TACC2: variants seen among roughly 807,000 people sequenced by gnomAD.
The protein encoded by TACC2 is transforming acidic coiled-coil-containing protein 2.
A neutral mutation model predicts 227.3 loss-of-function variants in TACC2; 137 were observed. That is an observed-to-expected ratio of 0.60 (90% CI 0.52 to 0.69). The LOEUF is 0.69. TACC2 is among the 30% of genes least tolerant of loss of function. TACC2 has a pLI of 0.00. For synonymous variants in TACC2, 1,523 were observed against 1,487.5 expected, an observed-to-expected ratio of 1.02 and a Z score of -0.55; for missense variants, 3,470 against 3,694.4, an observed-to-expected ratio of 0.94 and a Z score of 1.57.
At chr10:122,140,567 A>G (rs1239013048) in intron 6 of TACC2, among the ~76,000 whole-genome samples, 1 of 152,202 alleles carries the variant, frequency 6.6e-6, no homozygotes, top group Non-Finnish European at 1.5e-5. Flanking sequence ...GAATGAGACT[A>G]CAGAATGTGC....
chr10:122,022,759 G>C (rs1181663415), intron 2 of TACC2: 1 of 152,194 alleles, frequency 6.6e-6, no homozygotes, highest in African/African-American at 2.4e-5. Context: ...GATTAAATGT[G>C]AGTGGTCATT....
chr10:122,208,187 G>T (rs2095188556), intron 8 of TACC2, among the ~76,000 whole-genome samples: 2 of 152,192 alleles, frequency 1.3e-5, no homozygotes, highest in South Asian at 4.1e-4. Context: ...TAGGCCCTGG[G>T]TGGAGAAGAG....
Position 122,141,526 on chromosome 10 carries a change from G to T in TACC2, c.5700-2046G>T, listed in dbSNP as rs1377312980. On this transcript the variant is annotated intron_variant, in intron 6 of 22. Transcript: ENST00000369005. This position sits in a 1 kb window ranked among gnomAD's most constrained non-coding sequence, Gnocchi z 4.3. ...GTGGGTGTTAAGGGCAGGCGGGGGA[G>T]CTTGGTGAGTGAGCCTTGGTTGTGC... 1.3e-5 allele frequency among the ~76,000 whole-genome samples: 2 copies of T among 152,118 alleles called. No homozygotes were observed. The highest frequency in any genetic ancestry group is 2.9e-5 in the Non-Finnish European group (2 of 68,012).
At chr10:121,997,334 G>A (rs967398062) in intron 1 of TACC2, among the ~76,000 whole-genome samples, 2 of 152,096 alleles carry the variant, frequency 1.3e-5, no homozygotes, top group Non-Finnish European at 2.9e-5. Context: ...ATCTTACCCC[G>A]CCTCTCCCTA....
chr10:122,110,134 C>T (rs2083412210), intron 5 of TACC2, among the ~76,000 whole-genome samples: 1 of 152,142 alleles, frequency 6.6e-6, no homozygotes, highest in South Asian at 2.1e-4. Context: ...CATATATAGA[C>T]CACCCTGATG....
At position 122,243,356 on chromosome 10, in the gene TACC2, C is replaced by G. The variant is rs114233355; in HGVS notation, c.8392+1355C>G. 4.3e-3 allele frequency among the ~76,000 whole-genome samples: 651 copies of G among 152,286 alleles called. 5 individuals carry two copies. The highest frequency in any genetic ancestry group is 0.014 in the African/African-American group (563 of 41,558). On this transcript the variant is annotated intron_variant, in intron 19 of 22. Transcript: ENST00000369005. ...CTGTGCTGGCACCTGGTCCCCACCC[C>G]CAAGCATATGGATGTATGAGTCACA...
At chr10:122,227,380 TGC>T (rs2095649838) in intron 13 of TACC2, among the ~76,000 whole-genome samples, 1 of 152,210 alleles carries the variant, frequency 6.6e-6, no homozygotes, top group Non-Finnish European at 1.5e-5. Context: ...AAAGAGACTC[TGC>T]AGGCTGCCCA....
At chr10:122,187,489 T>A (rs1241907412) in intron 7 of TACC2, among the ~76,000 whole-genome samples, 1 of 152,090 alleles carries the variant, frequency 6.6e-6, no homozygotes, top group African/African-American at 2.4e-5. Flanking sequence ...ATTTCTTTTC[T>A]TTCTTTCTTT....
At chr10:122,044,298 G>C (rs774348985) in intron 2 of TACC2, among the ~76,000 whole-genome samples, 1 of 152,224 alleles carries the variant, frequency 6.6e-6, no homozygotes, top group African/African-American at 2.4e-5. Context: ...ACCTGTATTC[G>C]TCAATCTTTT....
intron 2 of TACC2, among the ~76,000 whole-genome samples, chr10:122,030,189 GGTAAA>G (rs1175582977): frequency 1.2e-4 from 18 of 152,074 alleles, no homozygotes. Context: ...AGCGGAGGTG[GGTAAA>G]CTTCTTTAAC....
At chr10:122,142,581 C>T (rs548847007) in intron 6 of TACC2, among the ~76,000 whole-genome samples, 4 of 152,314 alleles carry the variant, frequency 2.6e-5, no homozygotes, top group East Asian at 3.9e-4. Context: ...CAGAGGCCCA[C>T]GCACCCTGGA....
chr10:121,992,327 TA>T (rs1216559105), intron 1 of TACC2, among the ~76,000 whole-genome samples: 1 of 152,198 alleles, frequency 6.6e-6, no homozygotes, highest in African/African-American at 2.4e-5. Context: ...CTGAAGGTTT[TA>T]AGAGCCGAAA....
chr10:122,001,671 C>G (rs1020660977), intron 1 of TACC2, among the ~76,000 whole-genome samples: 1 of 152,148 alleles, frequency 6.6e-6, no homozygotes, highest in African/African-American at 2.4e-5. Flanking sequence ...CTGGTTGTTT[C>G]ATTTTTTAAA....
intron 7 of TACC2, among the ~76,000 whole-genome samples, chr10:122,164,693 G>A (rs541701335): frequency 1.1e-4 from 17 of 152,260 alleles, no homozygotes; most frequent in South Asian, 1.0e-3. Context: ...TACCTACCCA[G>A]GCATGTTTGG....
intron 5 of TACC2, among the ~76,000 whole-genome samples, chr10:122,113,570 C>T (rs934196990): frequency 1.3e-5 from 2 of 152,162 alleles, no homozygotes; most frequent in African/African-American, 4.8e-5. Flanking sequence ...GTGGTTGGCG[C>T]CCGTGACCAG....
Position 122,210,723 on chromosome 10 carries a change from T to C in TACC2, c.6298T>C (p.Ser2100Pro), listed in dbSNP as rs1426827893. ...QASDFDGASS[S>P]GNPEAVALAP... Reference sequence around the variant, plus strand: ...CAGTGACTTTGATGGTGCTTCTTCCTCAGGCAATCCCGAGGCCGTGGCCCT... The same window carrying C: ...CAGTGACTTTGATGGTGCTTCTTCCCCAGGCAATCCCGAGGCCGTGGCCCT... Residue 2100 changes from serine (S) to proline (P), a missense_variant, in exon 9 of 23, where the codon TCA (serine) becomes CCA (proline). This residue lies in a region of TACC2 where 593 missense variants were observed against 636.6 expected (regional missense o/e 0.93). Coordinates refer to ENST00000369005, the MANE Select transcript of TACC2 (RefSeq NM_206862.4). The surrounding 1 kb of genome is among the most constrained non-coding windows in gnomAD (Gnocchi z 4.6). The C allele has an allele frequency of 6.2e-7, 1 of 1,614,044 alleles. No homozygotes were observed. The highest frequency in any genetic ancestry group is 2.2e-5 in the East Asian group (1 of 44,852).
At position 122,135,505 on chromosome 10, in the gene TACC2, A is replaced by G. The variant is rs531493015; in HGVS notation, c.5699+2771A>G. On this transcript the variant is annotated intron_variant, in intron 6 of 22. Coordinates refer to ENST00000369005, the MANE Select transcript of TACC2 (RefSeq NM_206862.4). Reference sequence around the variant, plus strand: ...GGGAGTATTTGACTAAGGAATGAGCAATTTTGGTGCCTTGTTGGTGTTACT... The same window carrying G: ...GGGAGTATTTGACTAAGGAATGAGCGATTTTGGTGCCTTGTTGGTGTTACT... Among the ~76,000 whole-genome samples, 3 of 152,294 alleles carry G rather than the reference A, an allele frequency of 2.0e-5. No homozygotes were observed. In the East Asian group the frequency reaches 5.8e-4, roughly 29 times the overall value.
intron 5 of TACC2, among the ~76,000 whole-genome samples, chr10:122,105,968 G>A (rs1010614940): frequency 3.9e-5 from 5 of 129,472 alleles, no homozygotes; most frequent in Admixed American, 3.2e-4. Context: ...GTGTGTGTGT[G>A]TGTATGTATA....
rs2093375454 is a variant in TACC2 at position 122,169,774 on chromosome 10, A to G, written c.5835-25266A>G. On this transcript the variant is annotated intron_variant, in intron 7 of 22. Coordinates refer to ENST00000369005, the MANE Select transcript of TACC2 (RefSeq NM_206862.4). ...CTGTAATTTTCCTTTTTTTTGAGAC[A>G]GGGTCTCGCTCTGTCACCCAGACTG... Among the ~76,000 whole-genome samples the G allele has an allele frequency of 2.0e-5, 3 of 152,016 alleles. No homozygotes were observed. In the South Asian group the frequency reaches 6.2e-4, roughly 31 times the overall value.
Sources: allele counts gnomAD v4.1 joint callset (sites outside exome capture counted in the v4.1 genomes callset), GRCh38; gene constraint gnomAD v4.1.1; regional missense constraint gnomAD v4.1.1; non-coding constraint Gnocchi (gnomAD v3.1); transcripts MANE v1.5; gene names NCBI Gene and HGNC (gene_info 2026-07-23, HGNC 2026-07-21).